The following STK3 variants were observed in gnomAD, a reference collection of about 807,000 sequenced individuals.
STK3 encodes serine/threonine kinase 3.
In STK3, 41 loss-of-function variants were observed where a neutral mutation model predicts 58.0. That is an observed-to-expected ratio of 0.71 (90% CI 0.55 to 0.92). The LOEUF (loss-of-function observed/expected upper bound fraction) is 0.92. STK3 is among the 40% of genes least tolerant of loss of function. The pLI is 0.00. For missense variants in STK3, 479 were observed against 602.7 expected (o/e 0.79, Z 2.15); for synonymous variants, 170 against 191.0 (o/e 0.89, Z 0.91).
chr8:98,738,770 G>A (rs1432463835), intron 4 of STK3, among the ~76,000 whole-genome samples: 1 of 152,252 alleles, frequency 6.6e-6, no homozygotes, highest in Non-Finnish European at 1.5e-5. Flanking sequence ...CCGTGTGCGA[G>A]CCTAAGCAGG....
chr8:98,630,667 AAGG>A (rs200938379), intron 6 of STK3, among the ~76,000 whole-genome samples: 3 of 145,818 alleles, frequency 2.1e-5, no homozygotes, highest in African/African-American at 7.9e-5. Flanking sequence ...GGAGAAGGAG[AAGG>A]AGGAGAAGGA....
intron 3 of STK3, among the ~76,000 whole-genome samples, chr8:98,855,058 AAAC>A (rs374263713): frequency 0.029 from 4,412 of 151,942 alleles, 95 homozygotes; most frequent in South Asian, 0.062. Flanking sequence ...CGCTGTCTCA[AAAC>A]AACAACAACA....
intron 1 of STK3, among the ~76,000 whole-genome samples, chr8:98,786,563 T>C (rs773830563): frequency 2.6e-5 from 4 of 152,318 alleles, no homozygotes; most frequent in Non-Finnish European, 4.4e-5. Context: ...AGCTGATCTT[T>C]TGAACTAACC....
intron 8 of STK3, among the ~76,000 whole-genome samples, chr8:98,569,483 T>TA (rs1293730055): frequency 2.9e-3 from 392 of 133,772 alleles, no homozygotes; most frequent in African/African-American, 7.4e-3. Context: ...GATGAATCAA[T>TA]AAAAAAAAAA....
chr8:98,569,498 A>T (rs1812780858), intron 8 of STK3, among the ~76,000 whole-genome samples: 1 of 152,042 alleles, frequency 6.6e-6, no homozygotes, highest in African/African-American at 2.4e-5. Flanking sequence ...AAAAAAAAGT[A>T]CGGCATTAAT....
chr8:98,738,155 C>T (rs1828780726), intron 4 of STK3, among the ~76,000 whole-genome samples: 1 of 152,212 alleles, frequency 6.6e-6, no homozygotes, highest in East Asian at 1.9e-4. Flanking sequence ...CCCAGCAAGA[C>T]TTTTTGTGGA....
chr8:98,468,885 C>T (rs1022578026), intron 10 of STK3, among the ~76,000 whole-genome samples: 6 of 151,864 alleles, frequency 4.0e-5, no homozygotes, highest in Admixed American at 2.0e-4. Flanking sequence ...CTGAGGCAGG[C>T]GGATCACGAG....
rs34109446 is a variant in STK3 at position 98,691,931 on chromosome 8, CAAA to C, written c.684+14533_684+14535del. ...TGGGTGACAGAGCAAAACTCCGCCT[CAAA>C]AAAAAAAAAAAAATGGGCAAATGAA... On this transcript the variant is annotated intron_variant, in intron 6 of 10. Transcript: ENST00000419617. Among the ~76,000 whole-genome samples, 96 of 104,502 alleles carry C rather than the reference CAAA, an allele frequency of 9.2e-4. 1 individual carries two copies. Among genetic ancestry groups the C allele is most frequent in the African/African-American group, 3.6e-3 (94 of 26,262 alleles). 68.6% of individuals were successfully genotyped at this position (104,502 alleles called of 152,430 possible). A position where few individuals can be genotyped will look rare whatever the true frequency, so the allele number is the denominator to read the frequency against.
At chr8:98,896,980 T>TA (rs1050946512) in intron 1 of STK3, among the ~76,000 whole-genome samples, 2 of 147,382 alleles carry the variant, frequency 1.4e-5, no homozygotes, top group Admixed American at 6.8e-5. Flanking sequence ...GTCTCAAAAA[T>TA]AAAAAAATAA....
intron 6 of STK3, among the ~76,000 whole-genome samples, chr8:98,614,345 C>T (rs910947025): frequency 6.6e-6 from 1 of 152,156 alleles, no homozygotes; most frequent in East Asian, 1.9e-4. Context: ...AATGGAATCA[C>T]ATTAGAAATC....
At chr8:98,390,277 C>A (rs1817835929), upstream of STK3, among the ~76,000 whole-genome samples, 1 of 152,146 alleles carries the variant, frequency 6.6e-6, no homozygotes, top group Non-Finnish European at 1.5e-5. Flanking sequence ...ACCTTCATTC[C>A]TGAAGCATAT....
rs1459586765 is a variant in STK3, at chr8:98,823,789, T to C, written c.26+1726A>G. Among the ~76,000 whole-genome samples, 3 of 152,198 alleles carry C rather than the reference T, an allele frequency of 2.0e-5. No individual in the cohort carries two copies. The East Asian group carries it at 5.8e-4, about 29-fold the overall frequency. Reference sequence around the variant, plus strand: ...TAATCCCCACAATACATTTCACAGATGAAGAAATTAAACTTAGAACTAGCA... The same window carrying C: ...TAATCCCCACAATACATTTCACAGACGAAGAAATTAAACTTAGAACTAGCA... On this transcript the variant is annotated intron_variant, in intron 1 of 10. Coordinates refer to ENST00000419617, the MANE Select transcript of STK3 (RefSeq NM_006281.4).
upstream of STK3, among the ~76,000 whole-genome samples, chr8:98,828,590 AAAAG>A (rs374741027): frequency 1.4e-3 from 207 of 152,082 alleles, no homozygotes; most frequent in African/African-American, 4.4e-3. Flanking sequence ...CAAAAGAAAG[AAAAG>A]AAAGAAAGAA....
At chr8:98,597,361 C>G (rs1815918993) in intron 6 of STK3, 1 of 984,984 alleles carries the variant, frequency 1.0e-6, no homozygotes, top group African/African-American at 1.7e-5. Flanking sequence ...CATCTTCTTT[C>G]AAAAAACGTA....
intron 10 of STK3, among the ~76,000 whole-genome samples, chr8:98,513,296 G>C (rs1162818228): frequency 6.6e-6 from 1 of 152,132 alleles, no homozygotes; most frequent in Non-Finnish European, 1.5e-5. Flanking sequence ...GCCTACATAA[G>C]AGGGCAAGGG....
intron 6 of STK3, among the ~76,000 whole-genome samples, chr8:98,687,014 T>C (rs530418236): frequency 3.0e-4 from 46 of 152,246 alleles, no homozygotes; most frequent in Non-Finnish European, 5.1e-4. Flanking sequence ...TGAAGATAGA[T>C]ATAATTCAGA....
At chr8:98,745,867 G>A (rs202035402) in intron 4 of STK3, among the ~76,000 whole-genome samples, 1 of 152,208 alleles carries the variant, frequency 6.6e-6, no homozygotes, top group East Asian at 1.9e-4. Context: ...TCATCATTGT[G>A]TGAACATCAC....
At chr8:98,795,366 A>AAACT (rs1833087140) in intron 1 of STK3, among the ~76,000 whole-genome samples, 6 of 151,420 alleles carry the variant, frequency 4.0e-5, no homozygotes, top group Admixed American at 2.0e-4. Context: ...CCTCTTGAAC[A>AAACT]AACTAGACAT....
Position 98,622,665 on chromosome 8 carries a change from G to C in STK3, c.685-26496C>G, listed in dbSNP as rs183095426. ...ATTCCCTACAATTGCTACATTTAAA[G>C]TAATCAACACATTTCTATATCTCAG... is the stretch of plus-strand genomic sequence containing the variant. On this transcript the variant is annotated intron_variant, in intron 6 of 10. Coordinates refer to ENST00000419617, the MANE Select transcript of STK3 (RefSeq NM_006281.4). Among the ~76,000 whole-genome samples the C allele has an allele frequency of 6.7e-4, 102 of 152,268 alleles. 1 individual carries two copies. Among genetic ancestry groups the C allele is most frequent in the Admixed American group, 2.6e-3 (40 of 15,294 alleles).
Sources: gnomAD v4.1 joint callset for allele counts (sites outside exome capture counted in the v4.1 genomes callset) on GRCh38, gnomAD v4.1.1 for gene constraint, MANE v1.5 for transcripts, NCBI Gene and HGNC (gene_info 2026-07-23, HGNC 2026-07-21) for gene names.